Variants in MACROD2 observed in about 807,000 individuals in gnomAD.
MACROD2 encodes the protein ADP-ribose glycohydrolase MACROD2.
A neutral mutation model predicts 70.4 loss-of-function variants in MACROD2; 36 were observed. The ratio of observed to expected loss-of-function variants is 0.51; its 90% CI spans 0.39 to 0.68. The LOEUF (loss-of-function observed/expected upper bound fraction) is 0.68. Among genes scored for constraint, MACROD2 ranks in the 30% least tolerant of loss-of-function variants. MACROD2 has a pLI of 0.00. For synonymous variants in MACROD2, 172 were observed against 178.8 expected (o/e 0.96, Z 0.30); for missense variants, 496 against 538.4 (o/e 0.92, Z 0.78).
At chr20:14,503,400 G>T (rs1001105962) in intron 4 of MACROD2, among the ~76,000 whole-genome samples, 1 of 152,138 alleles carries the variant, frequency 6.6e-6, no homozygotes, top group Non-Finnish European at 1.5e-5. Context: ...GTCTGAAAGG[G>T]TGACCCAAGT....
At chr20:15,749,848 A>G (rs2051241418) in intron 8 of MACROD2, among the ~76,000 whole-genome samples, 2 of 152,080 alleles carry the variant, frequency 1.3e-5, no homozygotes, top group African/African-American at 4.8e-5. Context: ...ACATACAAAA[A>G]TCAGCTCAAA....
Position 14,115,755 on chromosome 20 carries a change from A to T in MACROD2, c.271+30027A>T, listed in dbSNP as rs576810378. Among the ~76,000 whole-genome samples, 9 of 152,314 alleles carry T rather than the reference A, an allele frequency of 5.9e-5. No individual in the cohort carries two copies. In the East Asian group the frequency reaches 1.7e-3, roughly 29 times the overall value. On this transcript the variant is annotated intron_variant, in intron 3 of 17. Coordinates refer to ENST00000684519, the MANE Select transcript of MACROD2 (RefSeq NM_001351661.2). The stretch of plus-strand genomic sequence containing the variant: ...TGTATTTTTTCTTCAGTGCTGCATA[A>T]ATGGCCATTTATGGTAAAACCTGAG...
intron 8 of MACROD2, among the ~76,000 whole-genome samples, chr20:15,809,066 A>T (rs2063794693): frequency 6.6e-6 from 1 of 152,122 alleles, no homozygotes; most frequent in South Asian, 2.1e-4. Context: ...AGATCAATGT[A>T]CTCTTTTTCT....
At chr20:14,217,709 T>C (rs1367993488) in intron 3 of MACROD2, among the ~76,000 whole-genome samples, 3 of 152,120 alleles carry the variant, frequency 2.0e-5, no homozygotes, top group African/African-American at 7.2e-5. Context: ...CTGTTCAGGG[T>C]ATCTAATTCC....
At chr20:14,338,069 G>A (rs2082969915) in intron 3 of MACROD2, among the ~76,000 whole-genome samples, 1 of 152,134 alleles carries the variant, frequency 6.6e-6, no homozygotes, top group South Asian at 2.1e-4. Context: ...TCCCAACTGT[G>A]AATGTTTATT....
chr20:14,052,215 T>G (rs2053576823), intron 2 of MACROD2, among the ~76,000 whole-genome samples: 1 of 152,180 alleles, frequency 6.6e-6, no homozygotes, highest in Non-Finnish European at 1.5e-5. Context: ...TTTCTTTTTC[T>G]GTTCCCGTAC....
chr20:16,039,294 C>A (rs1230218323), intron 15 of MACROD2, among the ~76,000 whole-genome samples: 1 of 152,036 alleles, frequency 6.6e-6, no homozygotes, highest in Non-Finnish European at 1.5e-5. Flanking sequence ...ATTTGCATTC[C>A]TTTTGTTGTT....
intron 3 of MACROD2, among the ~76,000 whole-genome samples, chr20:14,380,328 T>C (rs1484423218): frequency 6.6e-6 from 1 of 152,146 alleles, no homozygotes; most frequent in Non-Finnish European, 1.5e-5. Context: ...TCATGTGATA[T>C]ATGATTTGTA....
intron 5 of MACROD2, among the ~76,000 whole-genome samples, chr20:15,221,824 C>T (rs925598263): frequency 9.9e-5 from 15 of 152,156 alleles, no homozygotes; most frequent in African/African-American, 3.4e-4. Flanking sequence ...AACATAATAA[C>T]ATTATCACAT....
intron 15 of MACROD2, among the ~76,000 whole-genome samples, chr20:16,024,040 C>T (rs1158764691): frequency 6.6e-6 from 1 of 152,078 alleles, no homozygotes; most frequent in Non-Finnish European, 1.5e-5. Flanking sequence ...GGGGTGATGG[C>T]CCAGGCATCA....
intron 7 of MACROD2, among the ~76,000 whole-genome samples, chr20:15,442,461 C>T (rs2046508636): frequency 6.6e-6 from 1 of 152,194 alleles, no homozygotes; most frequent in Admixed American, 6.5e-5. Context: ...GTGTCAATGC[C>T]TTCCCGAAGG....
chr20:14,939,704 A>G (rs1052672361), intron 5 of MACROD2, among the ~76,000 whole-genome samples: 2 of 152,050 alleles, frequency 1.3e-5, no homozygotes, highest in African/African-American at 2.4e-5. Flanking sequence ...AGCTATATTA[A>G]TTCTTCCAAT....
At chr20:15,682,130 T>A (rs2050168508) in intron 8 of MACROD2, among the ~76,000 whole-genome samples, 1 of 152,184 alleles carries the variant, frequency 6.6e-6, no homozygotes, top group South Asian at 2.1e-4. Context: ...CTGAGGTCCT[T>A]GAGCCATTTC....
At chr20:14,519,797 A>G (rs1486546864) in intron 4 of MACROD2, among the ~76,000 whole-genome samples, 2 of 152,228 alleles carry the variant, frequency 1.3e-5, no homozygotes, top group East Asian at 3.9e-4. Flanking sequence ...TCATAATAGC[A>G]AAGACATAGA....
chr20:15,187,353 G>C (rs1364687960), intron 5 of MACROD2, among the ~76,000 whole-genome samples: 1 of 152,070 alleles, frequency 6.6e-6, no homozygotes, highest in Non-Finnish European at 1.5e-5. Context: ...ACACAAAAAA[G>C]TAAAAAAGAT....
At chr20:14,216,160 T>C (rs959906267) in intron 3 of MACROD2, among the ~76,000 whole-genome samples, 46 of 152,348 alleles carry the variant, frequency 3.0e-4, no homozygotes, top group South Asian at 1.7e-3. Flanking sequence ...AAGTCCTCAA[T>C]TCATCTTGAG....
chr20:15,022,889 G>A (rs893516605), intron 5 of MACROD2: 11 of 152,128 alleles, frequency 7.2e-5, no homozygotes, highest in East Asian at 1.9e-4. Context: ...AAATTGGAAC[G>A]ATACAGAGAA....
intron 4 of MACROD2, among the ~76,000 whole-genome samples, chr20:14,598,798 A>G (rs973195046): frequency 6.6e-5 from 10 of 152,272 alleles, no homozygotes; most frequent in Admixed American, 2.6e-4. Flanking sequence ...TTCACATTAT[A>G]TGTGTTCTCC....
At chr20:14,791,986 G>C (rs1157376371) in intron 5 of MACROD2, among the ~76,000 whole-genome samples, 3 of 151,644 alleles carry the variant, frequency 2.0e-5, no homozygotes, top group Non-Finnish European at 4.4e-5. Context: ...TCCCAATAAA[G>C]AATCCTATCT....
Sources: gnomAD v4.1 joint callset for allele counts (sites outside exome capture counted in the v4.1 genomes callset) on GRCh38, gnomAD v4.1.1 for gene constraint, MANE v1.5 for transcripts, NCBI Gene and HGNC (gene_info 2026-07-23, HGNC 2026-07-21) for gene names.